IGF1R: variants seen among roughly 807,000 people sequenced by gnomAD.
IGF1R encodes the protein insulin-like growth factor 1 receptor.
A neutral mutation model predicts 144.6 loss-of-function variants in IGF1R; 44 were observed. The observed-to-expected ratio is 0.30, with a 90% confidence interval of 0.24 to 0.39. IGF1R has a LOEUF of 0.39. IGF1R is among the 10% of genes least tolerant of loss of function. The probability of loss-of-function intolerance (pLI) is 1.00; values close to 1 mark genes in which losing one functional copy is unlikely to be tolerated. For synonymous variants in IGF1R, 795 were observed against 722.8 expected (o/e 1.10, Z -1.60); for missense variants, 1,355 against 1,833.7 (o/e 0.74, Z 4.77).
intron 1 of IGF1R, among the ~76,000 whole-genome samples, chr15:98,653,023 C>G (rs1483768028): frequency 6.6e-6 from 1 of 150,404 alleles, no homozygotes; most frequent in East Asian, 1.9e-4. Context: ...ATACATTTGA[C>G]AGGCTGATGT....
chr15:98,650,222 C>T (rs950418380), intron 1 of IGF1R, among the ~76,000 whole-genome samples: 1 of 152,138 alleles, frequency 6.6e-6, no homozygotes, highest in Non-Finnish European at 1.5e-5. Flanking sequence ...GGAGAGGCCC[C>T]GAAGCCCCAG....
chr15:98,768,521 A>G (rs2055493941), intron 2 of IGF1R, among the ~76,000 whole-genome samples: 1 of 151,424 alleles, frequency 6.6e-6, no homozygotes, highest in South Asian at 2.1e-4. Flanking sequence ...AGGCTGAGGC[A>G]GGAGAATCAC....
chr15:98,800,136 A>G (rs2141433502), intron 2 of IGF1R, among the ~76,000 whole-genome samples: 1 of 152,106 alleles, frequency 6.6e-6, no homozygotes, highest in East Asian at 1.9e-4. Flanking sequence ...TTGGTGTTTT[A>G]CAGAGCTTGT....
At chr15:98,902,991 C>T (rs189458649) in intron 5 of IGF1R, among the ~76,000 whole-genome samples, 10 of 152,250 alleles carry the variant, frequency 6.6e-5, no homozygotes, top group African/African-American at 1.7e-4. Flanking sequence ...TCGCACTCGG[C>T]GTGAGCTGAT....
intron 2 of IGF1R, among the ~76,000 whole-genome samples, chr15:98,837,803 A>G (rs566270380): frequency 1.2e-4 from 18 of 152,346 alleles, no homozygotes; most frequent in African/African-American, 3.8e-4. Context: ...AAACAGTTTC[A>G]TTCACCATAC....
At chr15:98,814,753 G>C (rs1250855359) in intron 2 of IGF1R, among the ~76,000 whole-genome samples, 2 of 152,236 alleles carry the variant, frequency 1.3e-5, no homozygotes, top group East Asian at 3.9e-4. Context: ...TAAATTAGAA[G>C]AGTGAAAGAG....
At chr15:98,665,189 G>A (rs1379353457) in intron 1 of IGF1R, among the ~76,000 whole-genome samples, 1 of 152,166 alleles carries the variant, frequency 6.6e-6, no homozygotes, top group African/African-American at 2.4e-5. Context: ...CTGACCTTGT[G>A]ATCCGCCCAC....
At chr15:98,828,765 C>T (rs1213105022) in intron 2 of IGF1R, among the ~76,000 whole-genome samples, 7 of 144,716 alleles carry the variant, frequency 4.8e-5, no homozygotes, top group African/African-American at 1.8e-4. Context: ...AATATATTTG[C>T]TGAGCATGGT....
intron 2 of IGF1R, among the ~76,000 whole-genome samples, chr15:98,824,660 G>A (rs1005920361): frequency 6.6e-6 from 1 of 152,120 alleles, no homozygotes; most frequent in African/African-American, 2.4e-5. Flanking sequence ...CCCCACTGCT[G>A]TTACTCATGT....
chr15:98,921,538 T>C (rs45578440), intron 10 of IGF1R, among the ~76,000 whole-genome samples: 392 of 152,134 alleles, frequency 2.6e-3, no homozygotes, highest in African/African-American at 8.9e-3. Context: ...CTGCAGAGTG[T>C]AGCAAGCACA....
rs1336567501 is a variant in IGF1R at position 98,948,688 on chromosome 15, A to G, written c.3702A>G (p.Pro1234=). 17 of 1,614,094 alleles carry G rather than the reference A, an allele frequency of 1.1e-5. No individual in the cohort carries two copies. Among genetic ancestry groups the G allele is most frequent in the Non-Finnish European group, 1.4e-5 (16 of 1,180,040 alleles). ...TGGAGGGCGGCCTTCTGGACAAGCCAGACAACTGTCCTGACATGCTGTACG... is the reference window on the plus strand; with the variant it reads ...TGGAGGGCGGCCTTCTGGACAAGCCGGACAACTGTCCTGACATGCTGTACG... ...FVMEGGLLDK[P]DNCPDMLFEL... is the part of the protein sequence containing the mutation. Residue 1234 remains proline (P), a synonymous_variant, in exon 20 of 21, where the codon CCA becomes CCG. Coordinates refer to ENST00000650285, the MANE Select transcript of IGF1R (RefSeq NM_000875.5).
rs549128975 is a variant in IGF1R, at chr15:98,804,064, C to T, written c.641-87261C>T. Among the ~76,000 whole-genome samples, 4 of 152,318 alleles carry T rather than the reference C, an allele frequency of 2.6e-5. No individual in the cohort carries two copies. In the East Asian group the frequency reaches 7.7e-4, roughly 29 times the overall value. ...GCAATAGGAATTTTCTAGCTATATT[C>T]TATCCTTACAGGACCACTATCGTAT... On this transcript the variant is annotated intron_variant, in intron 2 of 20. Transcript: ENST00000650285.
intron 3 of IGF1R, among the ~76,000 whole-genome samples, chr15:98,892,316 C>CTGAG (rs2013963978): frequency 6.6e-6 from 1 of 152,040 alleles, no homozygotes; most frequent in Admixed American, 6.6e-5. Context: ...CTTTGGGAGG[C>CTGAG]TGAGGTGCTT....
rs977265900 is a variant in IGF1R, at chr15:98,962,115, A to G, written c.*4673A>G. 1 of 233,190 alleles carries G rather than the reference A, an allele frequency of 4.3e-6. No homozygotes were observed. Among genetic ancestry groups the G allele is most frequent in the African/African-American group, 2.2e-5 (1 of 45,330 alleles). The allele number at this position is 233,190 out of a possible 1,614,324, so 14.4% of individuals were successfully genotyped here. On this transcript the variant is annotated 3_prime_UTR_variant, in exon 21 of 21. Coordinates refer to ENST00000650285, the MANE Select transcript of IGF1R (RefSeq NM_000875.5). The stretch of plus-strand genomic sequence containing the variant: ...ATGGCTTGCCAGTGGCTCTGTGGCA[A>G]GATCACACTGAGATCGATGGGTGAG...
At chr15:98,725,431 A>T (rs2054335364) in intron 2 of IGF1R, among the ~76,000 whole-genome samples, 1 of 152,206 alleles carries the variant, frequency 6.6e-6, no homozygotes, top group African/African-American at 2.4e-5. Context: ...AAACTTTTAG[A>T]AGATCCCTCC....
chr15:98,797,557 G>A (rs2056273573), intron 2 of IGF1R, among the ~76,000 whole-genome samples: 1 of 152,184 alleles, frequency 6.6e-6, no homozygotes, highest in African/African-American at 2.4e-5. Context: ...GGAGCGGGGT[G>A]GTGTTTTCAG....
At chr15:98,941,499 T>C (rs2016364999) in intron 18 of IGF1R, among the ~76,000 whole-genome samples, 1 of 152,260 alleles carries the variant, frequency 6.6e-6, no homozygotes, top group Non-Finnish European at 1.5e-5. Context: ...TCATTTGTGC[T>C]GAGGAAGGTC....
At position 98,707,990 on chromosome 15, in the gene IGF1R, C is replaced by T. The variant is rs2053905528; in HGVS notation, c.523C>T (p.Pro175Ser). The change falls in exon 2 of 21, where the codon CCA (proline) becomes TCA (serine). Residue 175 changes from proline to serine, a missense_variant. This residue lies in a region of IGF1R where 880 missense variants were observed against 1,202.7 expected (regional missense o/e 0.73). Coordinates refer to ENST00000650285, the MANE Select transcript of IGF1R (RefSeq NM_000875.5). The surrounding 1 kb of genome is among the most constrained non-coding windows in gnomAD (Gnocchi z 6.7). ...SNNYIVGNKP[P>S]KECGDLCPGT... ...TAACTACATTGTGGGGAATAAGCCC[C>T]CAAAGGAATGTGGGGACCTGTGTCC... 1.9e-6 allele frequency: 3 copies of T among 1,614,116 alleles called. No individual in the cohort carries two copies. Among genetic ancestry groups the T allele is most frequent in the East Asian group, 4.5e-5 (2 of 44,886 alleles).
chr15:98,941,272 G>C (rs1454834977), intron 18 of IGF1R, among the ~76,000 whole-genome samples: 1 of 152,258 alleles, frequency 6.6e-6, no homozygotes, highest in Non-Finnish European at 1.5e-5. Flanking sequence ...GGCCTCTCCA[G>C]ATGGCAGTTC....
Sources: allele counts gnomAD v4.1 joint callset (sites outside exome capture counted in the v4.1 genomes callset), GRCh38; gene constraint gnomAD v4.1.1; regional missense constraint gnomAD v4.1.1; non-coding constraint Gnocchi (gnomAD v3.1); transcripts MANE v1.5; gene names NCBI Gene and HGNC (gene_info 2026-07-23, HGNC 2026-07-21).